Variants in PON3 observed in about 807,000 individuals in gnomAD.
PON3 encodes serum paraoxonase/lactonase 3.
A neutral mutation model predicts 36.3 loss-of-function variants in PON3; 37 were observed. The ratio of observed to expected loss-of-function variants is 1.02; its 90% CI spans 0.78 to 1.34. The LOEUF (loss-of-function observed/expected upper bound fraction) is 1.34, where lower values mean the gene tolerates loss of function less well. Ranked by LOEUF, PON3 falls within the 40% of genes most tolerant of loss-of-function variation. The probability of loss-of-function intolerance (pLI) is 0.00; values close to 1 mark genes in which losing one functional copy is unlikely to be tolerated. For missense variants in PON3, 415 were observed against 426.5 expected (o/e 0.97, Z 0.24); for synonymous variants, 155 against 154.8 (o/e 1.00, Z -0.01).
At chr7:95,378,151 G>T (rs922925390) in intron 3 of PON3, among the ~76,000 whole-genome samples, 8 of 152,078 alleles carry the variant, frequency 5.3e-5, no homozygotes, top group Non-Finnish European at 1.0e-4. Flanking sequence ...TGGAAGAAAG[G>T]ATATCAGTGA....
intron 4 of PON3, among the ~76,000 whole-genome samples, chr7:95,369,594 G>A (rs1323916502): frequency 6.6e-6 from 1 of 152,130 alleles, no homozygotes; most frequent in South Asian, 2.1e-4. Flanking sequence ...GGCCAACATG[G>A]TGAAACCCTG....
intron 3 of PON3, among the ~76,000 whole-genome samples, chr7:95,380,191 AC>A (rs1809014703): frequency 6.6e-6 from 1 of 152,056 alleles, no homozygotes; most frequent in Non-Finnish European, 1.5e-5. Flanking sequence ...CCACACCAAA[AC>A]CCCATCTGTA....
chr7:95,363,538 A>C (rs1164000106), intron 6 of PON3: 1 of 358,814 alleles, frequency 2.8e-6, no homozygotes, highest in Non-Finnish European at 5.3e-6. Context: ...AATACTTTGT[A>C]CTTTCATAAG....
At chr7:95,390,362 A>G (rs1809292569) in intron 2 of PON3, among the ~76,000 whole-genome samples, 153 bp from the exon 3 acceptor site, 1 of 152,240 alleles carries the variant, frequency 6.6e-6, no homozygotes, top group East Asian at 1.9e-4. Flanking sequence ...ACTTTGGAGA[A>G]TCTCACAGGC....
intron 4 of PON3, among the ~76,000 whole-genome samples, chr7:95,368,577 G>A (rs1808745633): frequency 1.3e-5 from 2 of 152,108 alleles, no homozygotes; most frequent in African/African-American, 2.4e-5. Flanking sequence ...TGCATCTACT[G>A]AATCCCTCTT....
chr7:95,367,784 C>CAGA, intron 4 of PON3, among the ~76,000 whole-genome samples: 1 of 152,308 alleles, frequency 6.6e-6, no homozygotes, highest in Non-Finnish European at 1.5e-5. Flanking sequence ...CAGGAGCCTA[C>CAGA]AGAACTATAA....
chr7:95,394,679 A>G lies in PON3; in HGVS notation c.110T>C (p.Val37Ala), dbSNP rs2116429134. ...RVNASREVEP[V>A]EPENCHLIEE... ...AATAAGGTGGCAGTTTTCAGGTTCT[A>G]CTGGCTCCACTTCTCGAGAGGCATT... is the stretch of plus-strand genomic sequence containing the variant. The change falls in exon 2 of 9, where the codon GTA becomes GCA. Residue 37 changes from valine to alanine, a missense_variant. Physicochemically the swap from Val to Ala is moderately conservative, Grantham distance 64. Transcript: ENST00000265627. The G allele has an allele frequency of 6.2e-7, 1 of 1,614,174 alleles. No homozygotes were observed. The highest frequency in any genetic ancestry group is 2.2e-5 in the East Asian group (1 of 44,880).
chr7:95,363,913 C>G lies in PON3; in HGVS notation c.645G>C (p.Val215=). Residue 215 remains valine (V), a synonymous_variant, in exon 6 of 9, where the codon GTG becomes GTC. Transcript: ENST00000265627. ...LFYSPREVKV[V]AKGFCSANGI... Reference sequence around the variant, plus strand: ...CATTGGCACTACAAAATCCTTTGGCCACCACTTTAACCTCCCTTGGGCTGT... The same window carrying G: ...CATTGGCACTACAAAATCCTTTGGCGACCACTTTAACCTCCCTTGGGCTGT... The G allele has an allele frequency of 6.2e-7, 1 of 1,613,768 alleles. No individual in the cohort carries two copies. Among genetic ancestry groups the G allele is most frequent in the Non-Finnish European group, 8.5e-7 (1 of 1,179,724 alleles).
intron 8 of PON3, among the ~76,000 whole-genome samples, 158 bp from the exon 9 acceptor site, chr7:95,360,289 T>C (rs562336177): frequency 6.6e-6 from 1 of 151,872 alleles, no homozygotes; most frequent in South Asian, 2.1e-4. Flanking sequence ...AAAGTACTAA[T>C]GTCATAGATA....
At chr7:95,379,752 G>A (rs1585727444) in intron 3 of PON3, among the ~76,000 whole-genome samples, 1 of 152,328 alleles carries the variant, frequency 6.6e-6, no homozygotes, top group African/African-American at 2.4e-5. Flanking sequence ...ATGCCTGCCT[G>A]CCTCTGTAGA....
intron 2 of PON3, among the ~76,000 whole-genome samples, chr7:95,390,653 C>T (rs1305281953): frequency 6.6e-6 from 1 of 152,092 alleles, no homozygotes; most frequent in East Asian, 1.9e-4. Context: ...AACGTAAAGC[C>T]TAAAACGCTA....
chr7:95,390,129 T>C, intron 3 of PON3, 25 bp downstream of exon 3: 1 of 1,581,902 alleles, frequency 6.3e-7, no homozygotes, highest in Non-Finnish European at 8.7e-7. Flanking sequence ...GATGTGAGCA[T>C]GAGAGCAGCA....
chr7:95,387,554 G>T (rs1809224014), intron 3 of PON3, among the ~76,000 whole-genome samples: 1 of 152,066 alleles, frequency 6.6e-6, no homozygotes, highest in South Asian at 2.1e-4. Flanking sequence ...TGGCCATACT[G>T]CCCACGGTAA....
At chr7:95,375,350 A>T (rs1808894044) in intron 3 of PON3, among the ~76,000 whole-genome samples, 2 of 149,976 alleles carry the variant, frequency 1.3e-5, no homozygotes, top group Non-Finnish European at 3.0e-5. Context: ...ATATATACAC[A>T]CTCACATATG....
intron 6 of PON3, 124 bp from the exon 7 acceptor site, chr7:95,362,965 C>T (rs1406243182): frequency 1.5e-5 from 11 of 719,246 alleles, no homozygotes; most frequent in Admixed American, 1.4e-4. Flanking sequence ...CTTTTCTAAA[C>T]CACAGTAAAA....
At chr7:95,383,329 C>T (rs1809108043) in intron 3 of PON3, among the ~76,000 whole-genome samples, 1 of 152,166 alleles carries the variant, frequency 6.6e-6, no homozygotes, top group Admixed American at 6.6e-5. Context: ...TCCTATTCTA[C>T]ATAGTGTTGG....
At chr7:95,366,188 C>T (rs1808688522) in intron 5 of PON3, among the ~76,000 whole-genome samples, 1 of 152,182 alleles carries the variant, frequency 6.6e-6, no homozygotes, top group Non-Finnish European at 1.5e-5. Flanking sequence ...TTCTGGGAGA[C>T]TCTTCCTGTG....
At chr7:95,377,399 A>G (rs1016206350) in intron 3 of PON3, 4 of 191,194 alleles carry the variant, frequency 2.1e-5, no homozygotes, top group African/African-American at 7.2e-5. Flanking sequence ...CCTGTCTGAC[A>G]GCTCTGAAGA....
rs1204261849 is a variant in PON3 at position 95,394,197 on chromosome 7, T to C, written c.145+447A>G. Among the ~76,000 whole-genome samples the C allele has an allele frequency of 7.9e-5, 12 of 151,814 alleles. No individual in the cohort carries two copies. In the South Asian group the frequency reaches 1.7e-3, roughly 21 times the overall value. ...CAGGTGTGAGCCACTGCGCCCAGCC[T>C]GCTGTGAGGTTCTTGAGGGGAGGGG... On this transcript the variant is annotated intron_variant, in intron 2 of 8. Coordinates refer to ENST00000265627, the MANE Select transcript of PON3 (RefSeq NM_000940.3).
Sources: allele counts gnomAD v4.1 joint callset (sites outside exome capture counted in the v4.1 genomes callset), GRCh38; gene constraint gnomAD v4.1.1; transcripts MANE v1.5; gene names NCBI Gene and HGNC (gene_info 2026-07-23, HGNC 2026-07-21).